IQUB: variants seen among roughly 807,000 people sequenced by gnomAD.
The protein encoded by IQUB is IQ motif and ubiquitin-like domain-containing protein.
A neutral mutation model predicts 86.4 loss-of-function variants in IQUB; 86 were observed. The ratio of observed to expected loss-of-function variants is 1.00; its 90% CI spans 0.84 to 1.19. The LOEUF is 1.19. IQUB is among the 50% of genes most tolerant of loss of function. The pLI, the probability that IQUB is intolerant of heterozygous loss-of-function variation, is 0.00. For missense variants in IQUB, 946 were observed against 916.9 expected, an observed-to-expected ratio of 1.03 and a Z score of -0.41; for synonymous variants, 289 against 304.5, an observed-to-expected ratio of 0.95 and a Z score of 0.53.
At chr7:123,493,721 ATGTGTGTGTATGTG>A (rs767002182) in intron 7 of IQUB, among the ~76,000 whole-genome samples, 1,295 of 128,398 alleles carry the variant, frequency 0.01, 15 homozygotes, top group African/African-American at 0.037. Flanking sequence ...CCTGAGAGAA[ATGTGTGTGTATGTG>A]TGTGTGTGTG....
chr7:123,462,440 T>C (rs1254405795), intron 10 of IQUB, among the ~76,000 whole-genome samples: 4 of 151,782 alleles, frequency 2.6e-5, no homozygotes, highest in African/African-American at 9.7e-5. Flanking sequence ...TATCTATCTG[T>C]TACCTTTCTG....
intron 1 of IQUB, among the ~76,000 whole-genome samples, chr7:123,517,501 A>G (rs1288259165): frequency 7.9e-6 from 1 of 126,476 alleles, no homozygotes; most frequent in Admixed American, 9.8e-5. Flanking sequence ...ACTGCACTCC[A>G]GCCTGGGTGA....
chr7:123,468,394 G>A (rs928798536), intron 9 of IQUB, among the ~76,000 whole-genome samples: 3 of 152,208 alleles, frequency 2.0e-5, no homozygotes, highest in Admixed American at 1.3e-4. Flanking sequence ...ACAACATGAA[G>A]TGGATCCAGG....
At chr7:123,454,983 C>T (rs1217668152) in intron 12 of IQUB, among the ~76,000 whole-genome samples, 1 of 152,128 alleles carries the variant, frequency 6.6e-6, no homozygotes, top group African/African-American at 2.4e-5. Flanking sequence ...GTACAGCCCA[C>T]ATTTAAAGGG....
At chr7:123,512,493 G>GT (rs1456229734) in intron 1 of IQUB, 149 bp from the exon 2 acceptor site, 13 of 449,796 alleles carry the variant, frequency 2.9e-5, no homozygotes, top group Non-Finnish European at 4.2e-5. Flanking sequence ...ATAGCATCAG[G>GT]TTAAAAAAAA....
intron 1 of IQUB, among the ~76,000 whole-genome samples, chr7:123,519,213 T>C (rs1258172534): frequency 1.3e-5 from 2 of 152,196 alleles, no homozygotes; most frequent in South Asian, 2.1e-4. Flanking sequence ...TAGCGGGAAA[T>C]GTAAATTACT....
intron 6 of IQUB, among the ~76,000 whole-genome samples, chr7:123,498,686 C>T (rs996282931): frequency 6.6e-6 from 1 of 152,122 alleles, no homozygotes. Flanking sequence ...CTTATATGTC[C>T]CAGATGGCTG....
Position 123,481,743 on chromosome 7 carries a change from C to A in IQUB, c.1235-1773G>T, listed in dbSNP as rs368904278. Among the ~76,000 whole-genome samples the A allele has an allele frequency of 3.9e-5, 6 of 152,078 alleles. No individual in the cohort carries two copies. In the East Asian group the frequency reaches 1.2e-3, roughly 29 times the overall value. On this transcript the variant is annotated intron_variant, in intron 7 of 12. Transcript: ENST00000324698. ...ATAGTTTACCATGCTTTAAGAAAGT[C>A]TTTGAAAAACTTTCAGAAGAATGCC...
intron 12 of IQUB, 138 bp from the exon 13 acceptor site, chr7:123,453,063 C>T: frequency 1.6e-6 from 1 of 642,216 alleles, no homozygotes; most frequent in Non-Finnish European, 2.6e-6. Context: ...TGTCTATCAT[C>T]ATTCACGACT....
At chr7:123,527,606 T>C (rs1349163296) in intron 1 of IQUB, among the ~76,000 whole-genome samples, 2 of 147,030 alleles carry the variant, frequency 1.4e-5, no homozygotes, top group East Asian at 3.9e-4. Context: ...TGCTGGGGGG[T>C]GCCTCCCAGT....
chr7:123,520,718 G>T (rs1181236735), intron 1 of IQUB, among the ~76,000 whole-genome samples: 1 of 152,114 alleles, frequency 6.6e-6, no homozygotes, highest in Non-Finnish European at 1.5e-5. Flanking sequence ...GTGGGAAGCT[G>T]GTAGGACATT....
chr7:123,461,634 AG>A, intron 10 of IQUB, 29 bp from the exon 11 acceptor site: 1 of 1,513,356 alleles, frequency 6.6e-7, no homozygotes, highest in Non-Finnish European at 8.8e-7. Context: ...AAGAAAAAAA[AG>A]GTCTAAAAAG....
At chr7:123,497,843 A>G (rs1379526006) in intron 6 of IQUB, among the ~76,000 whole-genome samples, 1 of 151,630 alleles carries the variant, frequency 6.6e-6, no homozygotes, top group Non-Finnish European at 1.5e-5. Flanking sequence ...AATTGAAGAA[A>G]GAGTCTGTAA....
chr7:123,502,776 A>T (rs754232858), intron 5 of IQUB, 24 bp from the exon 6 acceptor site: 55 of 1,545,656 alleles, frequency 3.6e-5, no homozygotes, highest in Middle Eastern at 4.0e-4. Context: ...TTAAAAATTT[A>T]AATCAGTATC....
chr7:123,528,479 A>C (rs1002078367), intron 1 of IQUB, among the ~76,000 whole-genome samples: 11 of 152,316 alleles, frequency 7.2e-5, no homozygotes, highest in South Asian at 2.1e-4. Flanking sequence ...ATTTTCAAGA[A>C]CCCAGAGCTA....
intron 1 of IQUB, among the ~76,000 whole-genome samples, chr7:123,529,361 T>C (rs998046632): frequency 6.6e-6 from 1 of 151,988 alleles, no homozygotes; most frequent in Non-Finnish European, 1.5e-5. Flanking sequence ...TTTATTTTTA[T>C]GTAAAATACG....
In IQUB at chr7:123,509,924, GA is replaced by G. The variant is rs764578382; in HGVS notation, c.508del (p.Ser170LeufsTer5). 1 of 1,608,890 alleles carries G rather than the reference GA, an allele frequency of 6.2e-7. No individual in the cohort carries two copies. Among genetic ancestry groups the G allele is most frequent in the Non-Finnish European group, 8.5e-7 (1 of 1,177,896 alleles). ...HFSHLLGIPH[S>X]VLQIRYSGKI... is the part of the protein sequence containing the mutation. ...ACCTGAGTATCTTATCTGCAGTACA[GA>G]ATGTGGGATACCTAATAAGTGTGAA... On this transcript the variant is annotated frameshift_variant, in exon 3 of 13. Coordinates refer to ENST00000324698, the MANE Select transcript of IQUB (RefSeq NM_178827.5). LOFTEE classifies it high-confidence loss of function.
intron 7 of IQUB, among the ~76,000 whole-genome samples, chr7:123,488,877 T>C (rs1795335481): frequency 2.0e-5 from 3 of 152,162 alleles, no homozygotes; most frequent in Non-Finnish European, 4.4e-5. Context: ...AAGTCAAAAA[T>C]GTTGAAGTAA....
intron 7 of IQUB, among the ~76,000 whole-genome samples, chr7:123,490,495 A>C (rs994017489): frequency 9.9e-5 from 15 of 152,192 alleles, no homozygotes; most frequent in African/African-American, 3.6e-4. Context: ...AATAAATGGG[A>C]AATTTGTAAA....
Sources: allele counts gnomAD v4.1 joint callset (sites outside exome capture counted in the v4.1 genomes callset), GRCh38; gene constraint gnomAD v4.1.1; transcripts MANE v1.5; gene names NCBI Gene and HGNC (gene_info 2026-07-23, HGNC 2026-07-21).